MICOS10: variants seen among roughly 807,000 people sequenced by gnomAD.
MICOS10 encodes mitochondrial contact site and cristae organizing system subunit 10, also known as MICOS complex subunit MIC10.
MICOS10 carries 5 observed loss-of-function variants against 13.4 expected under a neutral mutation model. That is an observed-to-expected ratio of 0.37 (90% CI 0.20 to 0.78). The LOEUF (loss-of-function observed/expected upper bound fraction) is 0.78. Among genes scored for constraint, MICOS10 ranks in the 30% least tolerant of loss-of-function variants. The probability of loss-of-function intolerance (pLI) is 0.47; values close to 1 mark genes in which losing one functional copy is unlikely to be tolerated. For missense variants in MICOS10, 101 were observed against 94.6 expected (o/e 1.07, Z -0.28); for synonymous variants, 35 against 33.6 (o/e 1.04, Z -0.15).
intron 1 of MICOS10, among the ~76,000 whole-genome samples, chr1:19,599,192 GACTATA>G (rs1176854400): frequency 9.2e-5 from 14 of 152,262 alleles, no homozygotes; most frequent in Admixed American, 5.2e-4. Context: ...GAGTAGCTGG[GACTATA>G]GGTGTGTGCC....
chr1:19,601,324 AT>A, intron 1 of MICOS10: 1 of 250,256 alleles, frequency 4.0e-6, no homozygotes, highest in Non-Finnish European at 8.2e-6. Flanking sequence ...CATGCCTATA[AT>A]CCCAGCACTT....
chr1:19,600,915 C>T, intron 1 of MICOS10: 1 of 1,289,356 alleles, frequency 7.8e-7, no homozygotes, highest in Non-Finnish European at 1.0e-6. Context: ...TTGATAATTT[C>T]ATACTCTGGC....
intron 1 of MICOS10, among the ~76,000 whole-genome samples, chr1:19,612,330 G>A (rs947595467): frequency 1.3e-5 from 2 of 151,738 alleles, no homozygotes; most frequent in African/African-American, 2.4e-5. Context: ...TGCTGTAGGT[G>A]TGAGCCACGT....
Position 19,628,956 on chromosome 1 carries a change from C to G in MICOS10, c.*2555C>G, listed in dbSNP as rs1283423551. On this transcript the variant is annotated 3_prime_UTR_variant, in exon 4 of 4. Coordinates refer to ENST00000322753, the MANE Select transcript of MICOS10 (RefSeq NM_001032363.4). ...CACTGAAGTGCTCTGAGAAAGGGGT[C>G]AGCTGTCTGAGGGAATAGTTCTGGA... The G allele has an allele frequency of 6.6e-6, 1 of 152,252 alleles. No individual in the cohort carries two copies. Among genetic ancestry groups the G allele is most frequent in the Non-Finnish European group, 1.5e-5 (1 of 68,086 alleles). The allele number at this position is 152,252 out of a possible 1,614,324, so 9.4% of individuals were successfully genotyped here. A position where few individuals can be genotyped will look rare whatever the true frequency, so the allele number is the denominator to read the frequency against.
chr1:19,607,283 A>G (rs2745224), intron 1 of MICOS10, among the ~76,000 whole-genome samples: 16,671 of 152,286 alleles, frequency 0.11, 3,087 homozygotes, highest in African/African-American at 0.38. Flanking sequence ...GTATTACAGA[A>G]TAATGTAATT....
At chr1:19,612,104 G>A (rs1342714546) in intron 1 of MICOS10, among the ~76,000 whole-genome samples, 4 of 151,162 alleles carry the variant, frequency 2.6e-5, no homozygotes, top group Middle Eastern at 6.9e-3. Flanking sequence ...GTGCAGTGGC[G>A]CGATCTCCAC....
At chr1:19,607,371 G>T (rs1419484099) in intron 1 of MICOS10, among the ~76,000 whole-genome samples, 1 of 152,182 alleles carries the variant, frequency 6.6e-6, no homozygotes, top group African/African-American at 2.4e-5. Context: ...AATGTGGCCT[G>T]TAACAGTTTA....
At position 19,623,459 on chromosome 1, in the gene MICOS10, T is replaced by A. The variant is rs2100331555; in HGVS notation, c.113-15T>A. Reference sequence around the variant, plus strand: ...AATAATTCCCTATTGGGATTTTCCCTTTTTTGCTCACTAGGAAGAATGTGG... The same window carrying A: ...AATAATTCCCTATTGGGATTTTCCCATTTTTGCTCACTAGGAAGAATGTGG... On this transcript the variant is annotated splice_polypyrimidine_tract_variant and intron_variant, in intron 2 of 3. Coordinates refer to ENST00000322753, the MANE Select transcript of MICOS10 (RefSeq NM_001032363.4). The A allele has an allele frequency of 6.4e-7, 1 of 1,563,624 alleles. No homozygotes were observed. The highest frequency in any genetic ancestry group is 2.2e-5 in the East Asian group (1 of 44,622).
intron 1 of MICOS10, among the ~76,000 whole-genome samples, chr1:19,611,000 G>C (rs1441640826): frequency 6.6e-6 from 1 of 151,258 alleles, no homozygotes; most frequent in Non-Finnish European, 1.5e-5. Flanking sequence ...CTGGAAGGCT[G>C]GAGTGCAGTG....
rs1290221981 is a variant in MICOS10, at chr1:19,604,184, GT to G, written c.64+7077del. ...ATAAAATGAGATAATCTCTAGAGCA[GT>G]TAGGACGTTGCCTGTACTTACTAAA... is the stretch of plus-strand genomic sequence containing the variant. On this transcript the variant is annotated intron_variant, in intron 1 of 3. Transcript: ENST00000322753. 3.9e-5 allele frequency among the ~76,000 whole-genome samples: 6 copies of G among 152,320 alleles called. No homozygotes were observed. The East Asian group carries it at 1.2e-3, about 29-fold the overall frequency.
At chr1:19,614,002 G>C (rs1387634859) in intron 1 of MICOS10, among the ~76,000 whole-genome samples, 1 of 152,148 alleles carries the variant, frequency 6.6e-6, no homozygotes, top group African/African-American at 2.4e-5. Flanking sequence ...AGTGCTTAGT[G>C]AATGCTATTC....
chr1:19,624,819 A>G (rs780605702), intron 3 of MICOS10, among the ~76,000 whole-genome samples: 3 of 152,228 alleles, frequency 2.0e-5, no homozygotes, highest in Non-Finnish European at 2.9e-5. Context: ...ACTCAAATAA[A>G]TGTAAAATGA....
At chr1:19,608,115 T>C in intron 1 of MICOS10, 1 of 1,063,444 alleles carries the variant, frequency 9.4e-7, no homozygotes, top group Non-Finnish European at 1.5e-6. Context: ...CGTGCAGAAA[T>C]GGCACCTGGA....
At chr1:19,615,081 A>G (rs1228665987) in intron 1 of MICOS10, among the ~76,000 whole-genome samples, 1 of 152,178 alleles carries the variant, frequency 6.6e-6, no homozygotes. Context: ...CCCACAGAAC[A>G]CTGTCCTTTC....
chr1:19,613,166 C>G (rs763391270), intron 1 of MICOS10, among the ~76,000 whole-genome samples: 2 of 152,134 alleles, frequency 1.3e-5, no homozygotes, highest in Non-Finnish European at 2.9e-5. Context: ...TCAGTTGAGC[C>G]GAGAAGGGTC....
In MICOS10 at chr1:19,627,472, C is replaced by G. The variant is rs1242903745; in HGVS notation, c.*1071C>G. 2 of 152,196 alleles carry G rather than the reference C, an allele frequency of 1.3e-5. No homozygotes were observed. Among genetic ancestry groups the G allele is most frequent in the Non-Finnish European group, 2.9e-5 (2 of 68,040 alleles). 9.4% of individuals were successfully genotyped at this position (152,196 alleles called of 1,614,324 possible). ...AGGAGCTTAGAGTCTGATGGAAAGA[C>G]AGACGTGCAAACACAACTCTGAAAG... is the stretch of plus-strand genomic sequence containing the variant. On this transcript the variant is annotated 3_prime_UTR_variant, in exon 4 of 4. Coordinates refer to ENST00000322753, the MANE Select transcript of MICOS10 (RefSeq NM_001032363.4).
At chr1:19,625,451 A>G in intron 3 of MICOS10, 1 of 1,289,408 alleles carries the variant, frequency 7.8e-7, no homozygotes, top group Non-Finnish European at 1.0e-6. Flanking sequence ...AGATGGGAGT[A>G]GGGGAGCCAT....
chr1:19,599,619 C>A (rs2094806305), intron 1 of MICOS10, among the ~76,000 whole-genome samples: 1 of 152,110 alleles, frequency 6.6e-6, no homozygotes, highest in African/African-American at 2.4e-5. Context: ...TTCAACTGAC[C>A]TTTGTAGAAT....
chr1:19,607,666 ATC>A (rs2100265811), intron 1 of MICOS10, among the ~76,000 whole-genome samples: 1 of 152,332 alleles, frequency 6.6e-6, no homozygotes, highest in East Asian at 1.9e-4. Context: ...AGTTTATATT[ATC>A]TCTGTTTTTC....
Sources: allele counts gnomAD v4.1 joint callset (sites outside exome capture counted in the v4.1 genomes callset), GRCh38; gene constraint gnomAD v4.1.1; transcripts MANE v1.5; gene names NCBI Gene and HGNC (gene_info 2026-07-23, HGNC 2026-07-21).